G3BP2: variants seen among roughly 807,000 people sequenced by gnomAD.
G3BP2 encodes ras GTPase-activating protein-binding protein 2.
Under a neutral mutation model 56.7 loss-of-function variants are expected in G3BP2, and 11 were observed. That is an observed-to-expected ratio of 0.19 (90% CI 0.12 to 0.32). The LOEUF (loss-of-function observed/expected upper bound fraction) is 0.32, where lower values mean the gene tolerates loss of function less well. Among genes scored for constraint, G3BP2 ranks in the 10% least tolerant of loss-of-function variants. G3BP2 has a pLI of 1.00. For synonymous variants in G3BP2, 165 were observed against 191.6 expected, an observed-to-expected ratio of 0.86 and a Z score of 1.15; for missense variants, 340 against 610.9, an observed-to-expected ratio of 0.56 and a Z score of 4.67.
At chr4:75,647,869 A>G (rs1180267608) in intron 9 of G3BP2, among the ~76,000 whole-genome samples, 1 of 152,212 alleles carries the variant, frequency 6.6e-6, no homozygotes, top group Non-Finnish European at 1.5e-5. Flanking sequence ...TCTCCTCCCC[A>G]AAGCAATCTA....
intron 3 of G3BP2, 76 bp from the exon 4 acceptor site, chr4:75,657,806 T>C (rs544141331): frequency 9.6e-5 from 86 of 897,330 alleles, no homozygotes; most frequent in South Asian, 6.9e-4. Context: ...CCTACCCTCA[T>C]TGATTTCCTT....
chr4:75,686,142 T>C (rs1428949293), intron 3 of G3BP2, among the ~76,000 whole-genome samples: 1 of 152,200 alleles, frequency 6.6e-6, no homozygotes, highest in Non-Finnish European at 1.5e-5. Flanking sequence ...GTTTGTTCAA[T>C]GGACAAATTA....
At chr4:75,658,301 T>TAA (rs2148987094) in intron 3 of G3BP2, among the ~76,000 whole-genome samples, 1 of 152,240 alleles carries the variant, frequency 6.6e-6, no homozygotes, top group East Asian at 1.9e-4. Flanking sequence ...AACACCATGT[T>TAA]TCATACAAAA....
chr4:75,653,570 G>GT (rs1201093120), intron 8 of G3BP2, among the ~76,000 whole-genome samples: 1,189 of 72,156 alleles, frequency 0.016, 15 homozygotes, highest in East Asian at 0.076. Context: ...AAGTTTCCTG[G>GT]TTTTTTTTTT....
upstream of G3BP2, among the ~76,000 whole-genome samples, chr4:75,674,581 C>T (rs1458714537): frequency 6.6e-6 from 1 of 151,452 alleles, no homozygotes; most frequent in East Asian, 1.9e-4. Context: ...CATCAAAATA[C>T]ATTACATGCC....
intron 1 of G3BP2, among the ~76,000 whole-genome samples, chr4:75,665,652 AACAAACACACACACAC>A (rs1560623882): frequency 6.5e-5 from 4 of 61,098 alleles, no homozygotes; most frequent in Admixed American, 2.5e-4. Flanking sequence ...CAAACACACA[AACAAACACACACACAC>A]ACACACACAC....
intron 3 of G3BP2, among the ~76,000 whole-genome samples, chr4:75,705,927 T>C (rs557707091): frequency 6.6e-6 from 1 of 152,276 alleles, no homozygotes; most frequent in South Asian, 2.1e-4. Context: ...ACTTGCTATG[T>C]GTCAGGCACT....
At chr4:75,704,474 T>C (rs1458503728) in intron 3 of G3BP2, among the ~76,000 whole-genome samples, 1 of 149,318 alleles carries the variant, frequency 6.7e-6, no homozygotes, top group Non-Finnish European at 1.5e-5. Flanking sequence ...TGAGCCACCA[T>C]GCCCAGGTAA....
intron 1 of G3BP2, among the ~76,000 whole-genome samples, chr4:75,667,600 C>T (rs919051967): frequency 6.6e-6 from 1 of 152,030 alleles, no homozygotes; most frequent in Non-Finnish European, 1.5e-5. Flanking sequence ...CAAATGAAAA[C>T]ATTATCCAAG....
In G3BP2 at chr4:75,643,797, T is replaced by C. The variant is rs1159720653; in HGVS notation, c.*1633A>G. On this transcript the variant is annotated 3_prime_UTR_variant, in exon 12 of 12. Transcript: ENST00000359707. ...GAGCAGCTTTAAGTGGTCACACTTA[T>C]TTACCCCACTCCTGCCTGAAACATC... 2 of 152,698 alleles carry C rather than the reference T, an allele frequency of 1.3e-5. No individual in the cohort carries two copies. The highest frequency in any genetic ancestry group is 2.1e-4 in the South Asian group (1 of 4,822). The allele number at this position is 152,698 out of a possible 1,614,324, so 9.5% of individuals were successfully genotyped here.
At chr4:75,659,328 T>C (rs1307340446) in intron 2 of G3BP2, among the ~76,000 whole-genome samples, 1 of 152,230 alleles carries the variant, frequency 6.6e-6, no homozygotes, top group Non-Finnish European at 1.5e-5. Context: ...TAGATTTGTT[T>C]GGGAATCAGA....
intron 3 of G3BP2, among the ~76,000 whole-genome samples, chr4:75,717,049 T>C (rs1719956966): frequency 6.6e-6 from 1 of 152,140 alleles, no homozygotes; most frequent in Non-Finnish European, 1.5e-5. Flanking sequence ...TTCTGGACCC[T>C]CCACATAACA....
At chr4:75,714,668 A>C (rs1237524590) in intron 3 of G3BP2, among the ~76,000 whole-genome samples, 1 of 152,190 alleles carries the variant, frequency 6.6e-6, no homozygotes, top group African/African-American at 2.4e-5. Context: ...AATGGGGTAA[A>C]AAGGTTCACC....
chr4:75,691,106 C>T (rs910950070), intron 3 of G3BP2, among the ~76,000 whole-genome samples: 3 of 150,884 alleles, frequency 2.0e-5, no homozygotes, highest in Admixed American at 6.6e-5. Context: ...TTGAGACAGA[C>T]TCTTGATCTG....
chr4:75,694,328 ATGG>A (rs977339392), intron 3 of G3BP2, among the ~76,000 whole-genome samples: 14 of 152,150 alleles, frequency 9.2e-5, no homozygotes, highest in Non-Finnish European at 1.8e-4. Context: ...AGGGTCGGAC[ATGG>A]TGGCTCACGC....
chr4:75,709,336 CT>C (rs1243825110), intron 3 of G3BP2, among the ~76,000 whole-genome samples: 3 of 138,548 alleles, frequency 2.2e-5, no homozygotes, highest in Non-Finnish European at 4.5e-5. Flanking sequence ...AGGAGAATCG[CT>C]TGAACCCTGG....
At chr4:75,713,628 A>T (rs187791970) in intron 3 of G3BP2, among the ~76,000 whole-genome samples, 1 of 152,262 alleles carries the variant, frequency 6.6e-6, no homozygotes, top group Admixed American at 6.5e-5. Context: ...AATCAAAATA[A>T]AATAAAATAC....
intron 8 of G3BP2, among the ~76,000 whole-genome samples, chr4:75,653,348 C>T (rs1207830647): frequency 6.6e-6 from 1 of 151,946 alleles, no homozygotes; most frequent in Non-Finnish European, 1.5e-5. Context: ...GAATTTAGTT[C>T]ATTCTAAACT....
At chr4:75,648,512 C>T in intron 9 of G3BP2, 127 bp downstream of exon 9, 1 of 493,052 alleles carries the variant, frequency 2.0e-6, no homozygotes, top group Non-Finnish European at 3.7e-6. Context: ...TTGCTCACAT[C>T]ACATCTTTAA....
Sources: gnomAD v4.1 joint callset for allele counts (sites outside exome capture counted in the v4.1 genomes callset) on GRCh38, gnomAD v4.1.1 for gene constraint, MANE v1.5 for transcripts, NCBI Gene and HGNC (gene_info 2026-07-23, HGNC 2026-07-21) for gene names.